Variants in CFAP20DC observed in about 807,000 individuals in gnomAD.
CFAP20DC encodes the protein CFAP20 domain containing, also known as protein CFAP20DC.
A neutral mutation model predicts 101.7 loss-of-function variants in CFAP20DC; 84 were observed. That is an observed-to-expected ratio of 0.83 (90% CI 0.69 to 0.99). CFAP20DC has a LOEUF of 0.99. Ranked by LOEUF, CFAP20DC falls within the 50% of genes least tolerant of loss-of-function variation. The pLI is 0.00. For synonymous variants in CFAP20DC, 359 were observed against 351.2 expected, an observed-to-expected ratio of 1.02 and a Z score of -0.25; for missense variants, 1,007 against 970.3, an observed-to-expected ratio of 1.04 and a Z score of -0.50.
At position 58,979,706 on chromosome 3, in the gene CFAP20DC, C is replaced by T. The variant is rs571376570; in HGVS notation, c.279-41944G>A. On this transcript the variant is annotated intron_variant, in intron 4 of 16. Transcript: ENST00000482387. ...AACTACGAACTGGCTGAATTTAGCACTTGCCAAAGGATTGCTTGAAATGCC... is the reference window on the plus strand; with the variant it reads ...AACTACGAACTGGCTGAATTTAGCATTTGCCAAAGGATTGCTTGAAATGCC... Among the ~76,000 whole-genome samples the T allele has an allele frequency of 3.3e-5, 5 of 152,292 alleles. No individual in the cohort carries two copies. In the East Asian group the frequency reaches 9.6e-4, roughly 29 times the overall value.
At chr3:58,767,535 C>G (rs1237204601) in intron 15 of CFAP20DC, among the ~76,000 whole-genome samples, 1 of 152,138 alleles carries the variant, frequency 6.6e-6, no homozygotes, top group East Asian at 1.9e-4. Context: ...GTTGGGAACT[C>G]TTTTGCATAT....
chr3:58,995,319 CAT>C (rs2108666052), intron 4 of CFAP20DC, among the ~76,000 whole-genome samples: 1 of 150,774 alleles, frequency 6.6e-6, no homozygotes, highest in Admixed American at 6.6e-5. Context: ...ACCACTGGCA[CAT>C]GTCTTTACAT....
chr3:58,938,950 A>C (rs1576399517), intron 4 of CFAP20DC, among the ~76,000 whole-genome samples: 2 of 152,200 alleles, frequency 1.3e-5, no homozygotes, highest in African/African-American at 4.8e-5. Flanking sequence ...AAAATGCAGA[A>C]GTATTAACAC....
intron 15 of CFAP20DC, among the ~76,000 whole-genome samples, chr3:58,793,533 T>G (rs2073017837): frequency 6.6e-6 from 1 of 152,126 alleles, no homozygotes; most frequent in Non-Finnish European, 1.5e-5. Flanking sequence ...GTTGAAAAGG[T>G]TGGAAGAGGG....
intron 4 of CFAP20DC, among the ~76,000 whole-genome samples, chr3:58,944,907 A>G (rs1489876042): frequency 2.6e-5 from 4 of 152,226 alleles, no homozygotes; most frequent in African/African-American, 7.2e-5. Context: ...AAAAAAATCT[A>G]TCAAGTATCA....
chr3:58,818,671 G>C (rs1452153519), intron 14 of CFAP20DC, among the ~76,000 whole-genome samples: 1 of 135,062 alleles, frequency 7.4e-6, no homozygotes, highest in Non-Finnish European at 1.6e-5. Flanking sequence ...AAGAGACTTA[G>C]ACTCCCACAC....
intron 4 of CFAP20DC, among the ~76,000 whole-genome samples, chr3:58,938,676 G>T (rs1027167260): frequency 5.3e-5 from 8 of 151,800 alleles, no homozygotes; most frequent in African/African-American, 1.7e-4. Flanking sequence ...TTTTAAAATT[G>T]GCATTGTCTT....
intron 4 of CFAP20DC, among the ~76,000 whole-genome samples, chr3:58,999,491 G>C (rs1004725317): frequency 3.3e-5 from 5 of 152,120 alleles, no homozygotes; most frequent in African/African-American, 4.8e-5. Context: ...AAAGGAGTGA[G>C]GGATAGACAA....
At chr3:58,775,383 G>C (rs570875734) in intron 15 of CFAP20DC, among the ~76,000 whole-genome samples, 1 of 152,224 alleles carries the variant, frequency 6.6e-6, no homozygotes, top group South Asian at 2.1e-4. Flanking sequence ...TTTTCAGCTT[G>C]AATTTTCCTT....
intron 3 of CFAP20DC, among the ~76,000 whole-genome samples, chr3:59,045,279 G>T (rs1699759763): frequency 6.6e-6 from 1 of 151,802 alleles, no homozygotes; most frequent in Non-Finnish European, 1.5e-5. Flanking sequence ...GAATTAAAAT[G>T]ATAAAATCAG....
intron 15 of CFAP20DC, among the ~76,000 whole-genome samples, chr3:58,765,278 A>G (rs938014472): frequency 6.6e-6 from 1 of 152,076 alleles, no homozygotes. Flanking sequence ...ACATATATAC[A>G]TCTACACACA....
At position 58,799,733 on chromosome 3, in the gene CFAP20DC, C is replaced by CTGTGTGTGTG. The variant is rs112827949; in HGVS notation, c.2237+6652_2237+6661dup. ...AGTGTGTGTGTGTCTGTGTGTGTGT[C>CTGTGTGTGTG]TGTGTGTGTGTGTGTGTGTGTGTGT... On this transcript the variant is annotated intron_variant, in intron 15 of 16. Transcript: ENST00000482387. The surrounding 1 kb of genome is among the most constrained non-coding windows in gnomAD (Gnocchi z 4.9). Among the ~76,000 whole-genome samples the CTGTGTGTGTG allele has an allele frequency of 7.0e-6, 1 of 142,858 alleles. No individual in the cohort carries two copies. The highest frequency in any genetic ancestry group is 1.6e-5 in the Non-Finnish European group (1 of 63,996). The allele number at this position is 142,858 out of a possible 152,430, so 93.7% of individuals were successfully genotyped here.
intron 15 of CFAP20DC, among the ~76,000 whole-genome samples, chr3:58,768,565 G>C (rs1191024717): frequency 1.3e-5 from 2 of 152,168 alleles, no homozygotes; most frequent in African/African-American, 4.8e-5. Context: ...CCTAGTCTAT[G>C]TTTCTAGCAC....
Position 58,863,444 on chromosome 3 carries a change from C to G in CFAP20DC, c.1593+114G>C. On this transcript the variant is annotated intron_variant, in intron 12 of 16. Transcript: ENST00000482387. The surrounding 1 kb of genome is among the most constrained non-coding windows in gnomAD (Gnocchi z 5.9). ...TGTGGACTGACATGGCAATCTGTTG[C>G]ATTTTTATAAATAGCAGTTGATTTT... 4 of 1,492,246 alleles carry G rather than the reference C, an allele frequency of 2.7e-6. No individual in the cohort carries two copies. Among genetic ancestry groups the G allele is most frequent in the Middle Eastern group, 3.5e-4 (2 of 5,742 alleles). 92.4% of individuals were successfully genotyped at this position (1,492,246 alleles called of 1,614,324 possible). A position where few individuals can be genotyped will look rare whatever the true frequency, so the allele number is the denominator to read the frequency against.
At chr3:58,998,504 G>A (rs1019043612) in intron 4 of CFAP20DC, among the ~76,000 whole-genome samples, 1 of 152,164 alleles carries the variant, frequency 6.6e-6, no homozygotes, top group Middle Eastern at 3.2e-3. Flanking sequence ...CCATGTGCCA[G>A]GAACCCTTTT....
intron 6 of CFAP20DC, among the ~76,000 whole-genome samples, chr3:58,901,848 C>T (rs997450660): frequency 2.0e-5 from 3 of 152,148 alleles, no homozygotes; most frequent in African/African-American, 7.2e-5. Context: ...GCAACTACCA[C>T]CTCTATCTAC....
intron 7 of CFAP20DC, among the ~76,000 whole-genome samples, chr3:58,881,992 C>A (rs1399294264): frequency 6.6e-6 from 1 of 152,096 alleles, no homozygotes; most frequent in African/African-American, 2.4e-5. Context: ...AAAGTATTTA[C>A]AGAAAGAGAA....
chr3:58,753,716 T>A, intron 16 of CFAP20DC, 53 bp downstream of exon 16: 1 of 1,164,486 alleles, frequency 8.6e-7, no homozygotes, highest in Non-Finnish European at 1.3e-6. Flanking sequence ...ATTCTCTCTA[T>A]TTATAGTAAA....
intron 4 of CFAP20DC, among the ~76,000 whole-genome samples, chr3:58,994,297 C>T (rs1263247538): frequency 1.3e-5 from 2 of 152,182 alleles, no homozygotes; most frequent in Non-Finnish European, 2.9e-5. Context: ...TCATTGCTCA[C>T]AGGCCTTTTT....
Sources: allele counts gnomAD v4.1 joint callset (sites outside exome capture counted in the v4.1 genomes callset), GRCh38; gene constraint gnomAD v4.1.1; non-coding constraint Gnocchi (gnomAD v3.1); transcripts MANE v1.5; gene names NCBI Gene and HGNC (gene_info 2026-07-23, HGNC 2026-07-21).